C8orf34: variants seen among roughly 807,000 people sequenced by gnomAD.
The protein encoded by C8orf34 is chromosome 8 open reading frame 34, also known as uncharacterized protein C8orf34.
In C8orf34, 65 loss-of-function variants were observed where a neutral mutation model predicts 68.3. The observed-to-expected ratio is 0.95, with a 90% CI of 0.78 to 1.17. The LOEUF (loss-of-function observed/expected upper bound fraction) is 1.17. Among genes scored for constraint, C8orf34 ranks in the 50% most tolerant of loss-of-function variants. The pLI, the probability that C8orf34 is intolerant of heterozygous loss-of-function variation, is 0.00. For synonymous variants in C8orf34, 244 were observed against 241.2 expected (o/e 1.01, Z -0.11); for missense variants, 664 against 655.4 (o/e 1.01, Z -0.14).
intron 4 of C8orf34, among the ~76,000 whole-genome samples, chr8:68,478,847 A>G (rs4009125): frequency 0.63 from 94,955 of 151,636 alleles, 30,095 homozygotes; most frequent in East Asian, 0.88. Context: ...TTGCCAACGT[A>G]TAAGGATTAC....
intron 8 of C8orf34, among the ~76,000 whole-genome samples, chr8:68,697,929 C>G (rs185111566): frequency 2.0e-5 from 3 of 152,210 alleles, no homozygotes; most frequent in African/African-American, 7.2e-5. Context: ...TAGGCTGCAA[C>G]CTCAGGACAC....
At chr8:68,409,066 C>T (rs768583891) in intron 1 of C8orf34, among the ~76,000 whole-genome samples, 1 of 151,704 alleles carries the variant, frequency 6.6e-6, no homozygotes, top group Non-Finnish European at 1.5e-5. Flanking sequence ...GGATTACAGG[C>T]GTGAGCCACT....
chr8:68,507,160 T>C (rs1479731342), intron 5 of C8orf34, among the ~76,000 whole-genome samples: 2 of 152,252 alleles, frequency 1.3e-5, no homozygotes, highest in Non-Finnish European at 1.5e-5. Context: ...TTTTATTGAA[T>C]TGATTCCTTG....
intron 4 of C8orf34, among the ~76,000 whole-genome samples, chr8:68,471,064 T>G (rs1484487509): frequency 6.6e-6 from 1 of 152,068 alleles, no homozygotes; most frequent in Non-Finnish European, 1.5e-5. Context: ...GTATAGGACA[T>G]TACTCTTGGG....
intron 7 of C8orf34, among the ~76,000 whole-genome samples, chr8:68,582,385 G>A (rs1322097415): frequency 1.3e-5 from 2 of 152,096 alleles, no homozygotes; most frequent in African/African-American, 4.8e-5. Flanking sequence ...TCTACTATAG[G>A]ACAAGGGTAG....
intron 6 of C8orf34, among the ~76,000 whole-genome samples, chr8:68,527,085 C>T (rs570753482): frequency 1.3e-4 from 20 of 152,190 alleles, no homozygotes; most frequent in Non-Finnish European, 2.4e-4. Flanking sequence ...GAAATATTAA[C>T]TGCTAGTCTT....
intron 1 of C8orf34, among the ~76,000 whole-genome samples, chr8:68,418,967 C>G (rs1417557282): frequency 3.6e-4 from 53 of 148,588 alleles, no homozygotes; most frequent in South Asian, 1.1e-3. Flanking sequence ...CAACAAAAGC[C>G]AAAATTGACA....
At chr8:68,395,039 C>G (rs977395545) in intron 1 of C8orf34, among the ~76,000 whole-genome samples, 1 of 151,914 alleles carries the variant, frequency 6.6e-6, no homozygotes, top group Non-Finnish European at 1.5e-5. Context: ...AGGAATTTAG[C>G]AAGAAATTTA....
intron 3 of C8orf34, among the ~76,000 whole-genome samples, chr8:68,464,906 TA>T (rs1812038027): frequency 6.6e-6 from 1 of 151,868 alleles, no homozygotes; most frequent in Non-Finnish European, 1.5e-5. Flanking sequence ...ACTTCATGTC[TA>T]AAACACCAAA....
intron 4 of C8orf34, among the ~76,000 whole-genome samples, chr8:68,474,251 C>G (rs1031653183): frequency 6.6e-6 from 1 of 152,188 alleles, no homozygotes; most frequent in Non-Finnish European, 1.5e-5. Context: ...CCACACCTCC[C>G]TCTTCAAATG....
intron 12 of C8orf34, among the ~76,000 whole-genome samples, chr8:68,799,423 T>G (rs958088206): frequency 1.3e-5 from 2 of 152,196 alleles, no homozygotes; most frequent in African/African-American, 4.8e-5. Flanking sequence ...TGGATTGTTT[T>G]GTATATTTTT....
At chr8:68,730,662 A>G (rs1257571356) in intron 10 of C8orf34, among the ~76,000 whole-genome samples, 1 of 152,102 alleles carries the variant, frequency 6.6e-6, no homozygotes, top group Non-Finnish European at 1.5e-5. Context: ...GGTTTTGGTA[A>G]TTAATTCAAT....
chr8:68,333,446 AT>A (rs1271274455), intron 1 of C8orf34, among the ~76,000 whole-genome samples: 1 of 152,196 alleles, frequency 6.6e-6, no homozygotes, highest in Non-Finnish European at 1.5e-5. Flanking sequence ...TGGATAATAA[AT>A]TCTCTTTTAA....
chr8:68,362,649 G>A lies in C8orf34; in HGVS notation c.327+31310G>A, dbSNP rs1014193655. ...GCAGGGGCACACTGACACCTCACAC[G>A]GCAGGATATTCCAACAGACCTGCAG... On this transcript the variant is annotated intron_variant, in intron 1 of 13. Coordinates refer to ENST00000518698, the MANE Select transcript of C8orf34 (RefSeq NM_052958.4). Among the ~76,000 whole-genome samples the A allele has an allele frequency of 2.0e-5, 3 of 152,184 alleles. No individual in the cohort carries two copies. The East Asian group carries it at 5.8e-4, about 29-fold the overall frequency.
intron 12 of C8orf34, among the ~76,000 whole-genome samples, chr8:68,803,842 T>C (rs1824403529): frequency 6.6e-6 from 1 of 152,144 alleles, no homozygotes; most frequent in Non-Finnish European, 1.5e-5. Flanking sequence ...TTATACTTTT[T>C]GTAGTACTTT....
intron 10 of C8orf34, among the ~76,000 whole-genome samples, chr8:68,758,933 C>T (rs1452568137): frequency 2.6e-5 from 4 of 152,066 alleles, no homozygotes; most frequent in African/African-American, 9.7e-5. Context: ...TAGCAACTGG[C>T]ACAGCTGTGA....
At chr8:68,707,235 G>A (rs892582492) in intron 8 of C8orf34, among the ~76,000 whole-genome samples, 6 of 152,080 alleles carry the variant, frequency 3.9e-5, no homozygotes, top group African/African-American at 9.7e-5. Context: ...GAAGCATTCC[G>A]CAATGGAATT....
chr8:68,561,842 G>A lies in C8orf34; in HGVS notation c.1105+28693G>A, dbSNP rs1313029306. Among the ~76,000 whole-genome samples the A allele has an allele frequency of 2.0e-5, 3 of 152,138 alleles. No individual in the cohort carries two copies. The East Asian group carries it at 5.8e-4, about 29-fold the overall frequency. On this transcript the variant is annotated intron_variant, in intron 7 of 13. Transcript: ENST00000518698. The stretch of plus-strand genomic sequence containing the variant: ...ACACACATTAGCCTGGGCCTACACA[G>A]GGTCAGCATCATCAATGTCACTTTC...
intron 3 of C8orf34, 39 bp downstream of exon 3, chr8:68,446,499 TA>T: frequency 6.3e-7 from 1 of 1,575,492 alleles, no homozygotes; most frequent in Non-Finnish European, 8.6e-7. Flanking sequence ...TCAAAGCATG[TA>T]AGTTTATGTT....
Sources: gnomAD v4.1 joint callset for allele counts (sites outside exome capture counted in the v4.1 genomes callset) on GRCh38, gnomAD v4.1.1 for gene constraint, MANE v1.5 for transcripts, NCBI Gene and HGNC (gene_info 2026-07-23, HGNC 2026-07-21) for gene names.